The following HDLBP variants were observed in gnomAD, a reference collection of about 807,000 sequenced individuals.
HDLBP encodes high density lipoprotein binding protein, also known as vigilin.
HDLBP carries 30 observed loss-of-function variants against 137.3 expected under a neutral mutation model. That is an observed-to-expected ratio of 0.22 (90% CI 0.16 to 0.30). The LOEUF (loss-of-function observed/expected upper bound fraction) is 0.30. Among genes scored for constraint, HDLBP ranks in the 10% least tolerant of loss-of-function variants. HDLBP has a pLI of 1.00. For synonymous variants in HDLBP, 606 were observed against 596.0 expected (o/e 1.02, Z -0.24); for missense variants, 1,119 against 1,667.3 (o/e 0.67, Z 5.73).
At chr2:241,243,325 AC>A (rs1449721301) in intron 16 of HDLBP, among the ~76,000 whole-genome samples, 4 of 152,172 alleles carry the variant, frequency 2.6e-5, no homozygotes, top group Admixed American at 6.5e-5. Flanking sequence ...TGAAGAAATC[AC>A]CCTGGGCCTG....
intron 1 of HDLBP, among the ~76,000 whole-genome samples, chr2:241,297,745 G>GA (rs1005764447): frequency 1.3e-5 from 2 of 152,040 alleles, no homozygotes; most frequent in African/African-American, 4.8e-5. Context: ...AAAGAGAAGA[G>GA]AAGAGAAAGA....
In HDLBP at chr2:241,253,462, G is replaced by C. The variant is rs1186578519; in HGVS notation, c.1224C>G (p.Ile408Met). Residue 408 changes from isoleucine to methionine, a missense_variant, in exon 10 of 28, where the codon ATC becomes ATG. Coordinates refer to ENST00000310931, the MANE Select transcript of HDLBP (RefSeq NM_005336.6). Reference protein sequence around the residue: ...HIEFTEGEDKITLEGPTEDVN... With the variant: ...HIEFTEGEDKMTLEGPTEDVN... ...CATCCTCTGTAGGGCCCTCCAGGGT[G>C]ATCTTGTCTTCGCCCTCTGTGAACT... 6.2e-7 allele frequency: 1 copy of C among 1,613,746 alleles called. No homozygotes were observed. The highest frequency in any genetic ancestry group is 8.5e-7 in the Non-Finnish European group (1 of 1,179,640).
intron 1 of HDLBP, among the ~76,000 whole-genome samples, chr2:241,290,414 C>G (rs1024675251): frequency 7.9e-5 from 12 of 152,050 alleles, no homozygotes; most frequent in African/African-American, 2.9e-4. Context: ...AGTTCGAGAC[C>G]AGCCTGACCA....
Position 241,228,098 on chromosome 2 carries a change from T to TATTC in HDLBP, c.*1499_*1502dup, listed in dbSNP as rs2069301118. On this transcript the variant is annotated 3_prime_UTR_variant, in exon 28 of 28. Coordinates refer to ENST00000310931, the MANE Select transcript of HDLBP (RefSeq NM_005336.6). The stretch of plus-strand genomic sequence containing the variant: ...AGTCTGAAGATGACCAAGCTTGAGT[T>TATTC]ATTCAACTGAGAGTGAGGTGTCAAG... The TATTC allele has an allele frequency of 6.6e-6, 1 of 152,256 alleles. No individual in the cohort carries two copies. Among genetic ancestry groups the TATTC allele is most frequent in the African/African-American group, 2.4e-5 (1 of 41,446 alleles). The allele number at this position is 152,256 out of a possible 1,614,324, so 9.4% of individuals were successfully genotyped here.
intron 1 of HDLBP, among the ~76,000 whole-genome samples, chr2:241,278,583 CA>C (rs34809445): frequency 0.17 from 24,310 of 142,578 alleles, 2,089 homozygotes; most frequent in Middle Eastern, 0.3. Flanking sequence ...ACTCCATCTC[CA>C]AAAAAAAAAA....
intron 1 of HDLBP, among the ~76,000 whole-genome samples, chr2:241,287,798 T>C (rs1160676714): frequency 1.3e-5 from 2 of 152,222 alleles, no homozygotes; most frequent in Non-Finnish European, 2.9e-5. Flanking sequence ...AAGACCTCTC[T>C]AGAAGGAAAC....
At chr2:241,236,433 C>T (rs2070452289) in intron 21 of HDLBP, 182 bp downstream of exon 21, 4 of 636,510 alleles carry the variant, frequency 6.3e-6, no homozygotes, top group South Asian at 1.9e-5. Flanking sequence ...AGGGAAGTGG[C>T]CTCCCCAAAC....
chr2:241,252,940 C>CA lies in HDLBP; in HGVS notation c.1372+16dup. Reference sequence around the variant, plus strand: ...TCAGGGCACACTGGCCCCACCGCAACAGACAGCCTCACTCACTGTTGGCAC... The same window carrying CA: ...TCAGGGCACACTGGCCCCACCGCAACAAGACAGCCTCACTCACTGTTGGCAC... On this transcript the variant is annotated intron_variant, in intron 11 of 27. Coordinates refer to ENST00000310931, the MANE Select transcript of HDLBP (RefSeq NM_005336.6). The CA allele has an allele frequency of 6.3e-7, 1 of 1,587,116 alleles. No individual in the cohort carries two copies. Among genetic ancestry groups the CA allele is most frequent in the Non-Finnish European group, 8.6e-7 (1 of 1,156,758 alleles).
chr2:241,272,293 C>A lies in HDLBP; in HGVS notation c.-102-3752G>T. 1 of 981,096 alleles carries A rather than the reference C, an allele frequency of 1.0e-6. No individual in the cohort carries two copies. Among genetic ancestry groups the A allele is most frequent in the Non-Finnish European group, 1.2e-6 (1 of 826,318 alleles). The allele number at this position is 981,096 out of a possible 1,614,324, so 60.8% of individuals were successfully genotyped here. On this transcript the variant is annotated intron_variant, in intron 1 of 27. Transcript: ENST00000310931. The surrounding 1 kb of genome is among the most constrained non-coding windows in gnomAD (Gnocchi z 5.6). ...CCCGCTGGCCTCCCAGGGACCCCCA[C>A]CCTGGCCGCACACGGCGCCCCCGCC...
At position 241,272,649 on chromosome 2, in the gene HDLBP, TC is replaced by T; in HGVS notation, c.-102-4109del. Reference sequence around the variant, plus strand: ...GTGGGGGCCGCGGCACCCGGGCCCCTCCCCCTCCGCGGCCTCCACGTCAGCA... The same window carrying T: ...GTGGGGGCCGCGGCACCCGGGCCCCTCCCCTCCGCGGCCTCCACGTCAGCA... On this transcript the variant is annotated intron_variant, in intron 1 of 27. Coordinates refer to ENST00000310931, the MANE Select transcript of HDLBP (RefSeq NM_005336.6). This position sits in a 1 kb window ranked among gnomAD's most constrained non-coding sequence, Gnocchi z 5.6. The T allele has an allele frequency of 3.4e-6, 3 of 891,980 alleles. No homozygotes were observed. Among genetic ancestry groups the T allele is most frequent in the Non-Finnish European group, 3.9e-6 (3 of 767,482 alleles). The allele number at this position is 891,980 out of a possible 1,614,324, so 55.3% of individuals were successfully genotyped here.
chr2:241,309,368 T>C (rs2075692402), intron 1 of HDLBP, among the ~76,000 whole-genome samples: 1 of 152,216 alleles, frequency 6.6e-6, no homozygotes, highest in Non-Finnish European at 1.5e-5. Context: ...GTCAGATCAA[T>C]ACATTTACAC....
chr2:241,306,988 C>A (rs4234101), intron 1 of HDLBP, among the ~76,000 whole-genome samples: 2,184 of 30,428 alleles, frequency 0.072, 42 homozygotes, highest in Middle Eastern at 0.17. Flanking sequence ...AAAAAAAAAA[C>A]GAGGAAAAGC....
rs1213231545 is a variant in HDLBP at position 241,228,174 on chromosome 2, C to T, written c.*1427G>A. The T allele has an allele frequency of 6.6e-6, 1 of 152,268 alleles. No individual in the cohort carries two copies. Among genetic ancestry groups the T allele is most frequent in the Admixed American group, 6.5e-5 (1 of 15,288 alleles). 9.4% of individuals were successfully genotyped at this position (152,268 alleles called of 1,614,324 possible). A position where few individuals can be genotyped will look rare whatever the true frequency, so the allele number is the denominator to read the frequency against. ...GGCTGTGAGATGGATGGGCGTGAGT[C>T]AGCTTTTCCAAAACTCAAGTACCTG... On this transcript the variant is annotated 3_prime_UTR_variant, in exon 28 of 28. Coordinates refer to ENST00000310931, the MANE Select transcript of HDLBP (RefSeq NM_005336.6).
At chr2:241,260,006 T>C (rs1258450276) in intron 5 of HDLBP, among the ~76,000 whole-genome samples, 2 of 152,094 alleles carry the variant, frequency 1.3e-5, no homozygotes, top group African/African-American at 2.4e-5. Context: ...TATTTATTTA[T>C]TTATTTATTA....
chr2:241,263,013 T>A, intron 4 of HDLBP, 87 bp from the exon 5 acceptor site: 1 of 1,035,196 alleles, frequency 9.7e-7, no homozygotes, highest in Non-Finnish European at 1.5e-6. Context: ...TTCATCACCA[T>A]CCACTCACAA....
chr2:241,236,665 T>A lies in HDLBP; in HGVS notation c.2854A>T (p.Ile952Phe), dbSNP rs746674954. Residue 952 changes from isoleucine (I) to phenylalanine (F), a missense_variant, in exon 21 of 28, where the codon ATC (isoleucine) becomes TTC (phenylalanine). Coordinates refer to ENST00000310931, the MANE Select transcript of HDLBP (RefSeq NM_005336.6). ...CACTTTTCTTTCCGGCCAGAGATGA[T>A]GATGATGTCACACCTCCTTGGAGAG... ...PGSPRRCDII[I>F]ISGRKEKCEA... The A allele has an allele frequency of 2.0e-5, 33 of 1,613,920 alleles. No individual in the cohort carries two copies. The highest frequency in any genetic ancestry group is 2.5e-5 in the Non-Finnish European group (29 of 1,179,996).
chr2:241,277,791 A>G (rs182172325), intron 1 of HDLBP, among the ~76,000 whole-genome samples: 263 of 152,122 alleles, frequency 1.7e-3, no homozygotes, highest in Admixed American at 4.5e-3. Context: ...ATGAAACCCT[A>G]TCTCTACTAA....
chr2:241,270,717 C>T (rs2073980867), intron 1 of HDLBP, among the ~76,000 whole-genome samples: 1 of 152,272 alleles, frequency 6.6e-6, no homozygotes, highest in African/African-American at 2.4e-5. Context: ...ACTGCTACGC[C>T]CTGCTCCTGG....
intron 1 of HDLBP, among the ~76,000 whole-genome samples, chr2:241,294,926 C>A (rs957113979): frequency 4.6e-5 from 7 of 152,068 alleles, no homozygotes; most frequent in Admixed American, 2.0e-4. Context: ...CATGGTGAAA[C>A]CCCATCTCTA....
Sources: gnomAD v4.1 joint callset for allele counts (sites outside exome capture counted in the v4.1 genomes callset) on GRCh38, gnomAD v4.1.1 for gene constraint, Gnocchi (gnomAD v3.1) non-coding constraint, MANE v1.5 for transcripts, NCBI Gene and HGNC (gene_info 2026-07-23, HGNC 2026-07-21) for gene names.